Variants in SLC35D4 observed in about 807,000 individuals in gnomAD.
SLC35D4 encodes solute carrier family 35 member D4, also known as UDP-N-acetylglucosamine transporter SLC35D4.
chr18:23,310,844 G>A, the SLC35D4 span, among the ~76,000 whole-genome samples: 1 of 152,110 alleles, frequency 6.6e-6, no homozygotes, highest in African/African-American at 2.4e-5. Flanking sequence ...ACTTTTCTTT[G>A]TAGTTAAGTC....
chr18:23,372,830 CCT>C, the SLC35D4 span, among the ~76,000 whole-genome samples: 43 of 152,128 alleles, frequency 2.8e-4, no homozygotes, highest in Non-Finnish European at 5.4e-4. Flanking sequence ...GATTAATTTT[CCT>C]CTTTGTGTCC....
chr18:23,359,138 G>A, the SLC35D4 span, among the ~76,000 whole-genome samples: 3 of 152,198 alleles, frequency 2.0e-5, no homozygotes, highest in Non-Finnish European at 4.4e-5. Context: ...TGTAATCCCA[G>A]CACTTTGGGA....
At chr18:23,307,969 C>T in the SLC35D4 span, among the ~76,000 whole-genome samples, 4 of 152,168 alleles carry the variant, frequency 2.6e-5, no homozygotes, top group South Asian at 8.3e-4. Context: ...CACCACCCCA[C>T]ACCCAACTGT....
the SLC35D4 span, among the ~76,000 whole-genome samples, chr18:23,264,042 T>G: frequency 6.6e-6 from 1 of 152,152 alleles, no homozygotes; most frequent in South Asian, 2.1e-4. Flanking sequence ...AAATAAACAC[T>G]GGTTGAGTTA....
At chr18:23,354,345 C>CAAAAAAAAAAAAAA in the SLC35D4 span, among the ~76,000 whole-genome samples, 24 of 99,096 alleles carry the variant, frequency 2.4e-4, no homozygotes, top group African/African-American at 5.1e-4. Context: ...ACTAAAAATA[C>CAAAAAAAAAAAAAA]AAAAAAAAAA....
chr18:23,424,528 G>A, the SLC35D4 span, among the ~76,000 whole-genome samples: 5 of 152,176 alleles, frequency 3.3e-5, no homozygotes, highest in African/African-American at 1.2e-4. Flanking sequence ...ACCAAGGACA[G>A]GGAAAAGAAT....
chr18:23,318,397 C>A, the SLC35D4 span, among the ~76,000 whole-genome samples: 1 of 152,180 alleles, frequency 6.6e-6, no homozygotes, highest in Non-Finnish European at 1.5e-5. Flanking sequence ...GTGTCCTTTG[C>A]AGCTCAACAG....
chr18:23,238,716 A>G, the SLC35D4 span, among the ~76,000 whole-genome samples: 1 of 152,230 alleles, frequency 6.6e-6, no homozygotes, highest in South Asian at 2.1e-4. Context: ...CACTTTATTT[A>G]TTAAGCAACA....
At chr18:23,383,908 G>A in the SLC35D4 span, among the ~76,000 whole-genome samples, 1 of 147,890 alleles carries the variant, frequency 6.8e-6, no homozygotes, top group African/African-American at 2.5e-5. Flanking sequence ...GGGAGATCGG[G>A]TATGGTCATG....
At chr18:23,361,689 C>T in the SLC35D4 span, among the ~76,000 whole-genome samples, 1 of 152,156 alleles carries the variant, frequency 6.6e-6, no homozygotes, top group African/African-American at 2.4e-5. Flanking sequence ...CCACTGCAGA[C>T]CCATCCCCCA....
the SLC35D4 span, among the ~76,000 whole-genome samples, chr18:23,379,308 G>C: frequency 3.0e-4 from 46 of 152,162 alleles, no homozygotes; most frequent in East Asian, 8.5e-3. Context: ...ATTTTTAGTA[G>C]AGATGGGGTT....
chr18:23,377,692 A>G, the SLC35D4 span: 1 of 1,559,706 alleles, frequency 6.4e-7, no homozygotes. Context: ...GTAAAGAAAC[A>G]TACAATTAGA....
At chr18:23,313,049 C>T in the SLC35D4 span, among the ~76,000 whole-genome samples, 30 of 141,528 alleles carry the variant, frequency 2.1e-4, no homozygotes, top group African/African-American at 7.7e-4. Flanking sequence ...ATCGCTGGAA[C>T]CCGGGAGAGG....
At chr18:23,431,181 A>T in the SLC35D4 span, among the ~76,000 whole-genome samples, 1 of 146,520 alleles carries the variant, frequency 6.8e-6, no homozygotes, top group Non-Finnish European at 1.5e-5. Flanking sequence ...AAAAAAAAGT[A>T]AAGAAAAAGA....
the SLC35D4 span, among the ~76,000 whole-genome samples, chr18:23,246,527 G>A: frequency 1.3e-5 from 2 of 152,056 alleles, no homozygotes; most frequent in African/African-American, 4.8e-5. Context: ...AAGTAGCTGG[G>A]ACTACAGGCA....
At chr18:23,334,738 T>A in the SLC35D4 span, among the ~76,000 whole-genome samples, 27 of 152,142 alleles carry the variant, frequency 1.8e-4, no homozygotes, top group African/African-American at 2.4e-5. Context: ...CGGTGGCTCA[T>A]GACTGTAATT....
At chr18:23,324,936 G>A in the SLC35D4 span, among the ~76,000 whole-genome samples, 1 of 152,178 alleles carries the variant, frequency 6.6e-6, no homozygotes, top group East Asian at 1.9e-4. Flanking sequence ...AAGTCCCATG[G>A]AGAATCCTAT....
chr18:23,275,613 T>G, the SLC35D4 span, among the ~76,000 whole-genome samples: 3 of 127,990 alleles, frequency 2.3e-5, no homozygotes, highest in South Asian at 7.0e-4. Context: ...TGTGCTGTGC[T>G]GTGCTGTGCT....
chr18:23,278,641 T>C, the SLC35D4 span, among the ~76,000 whole-genome samples: 1 of 152,184 alleles, frequency 6.6e-6, no homozygotes, highest in Non-Finnish European at 1.5e-5. Context: ...AGGCTGGTGC[T>C]AAATGCTACG....
Sources: allele counts gnomAD v4.1 joint callset (sites outside exome capture counted in the v4.1 genomes callset), GRCh38; gene constraint gnomAD v4.1.1; transcripts MANE v1.5; gene names NCBI Gene and HGNC (gene_info 2026-07-23, HGNC 2026-07-21).